Variants in ZNF146 observed in about 807,000 individuals in gnomAD.
The protein encoded by ZNF146 is zinc finger protein OZF.
A neutral mutation model predicts 22.2 loss-of-function variants in ZNF146; 9 were observed. The ratio of observed to expected loss-of-function variants is 0.41; its 90% CI spans 0.24 to 0.71. ZNF146 has a LOEUF of 0.71. Ranked by LOEUF, ZNF146 falls within the 30% of genes least tolerant of loss-of-function variation. The pLI is 0.34. For synonymous variants in ZNF146, 108 were observed against 119.2 expected (o/e 0.91, Z 0.61); for missense variants, 194 against 344.8 (o/e 0.56, Z 3.46).
At chr19:36,233,902 A>G (rs1977516132) in intron 3 of ZNF146, among the ~76,000 whole-genome samples, 2 of 148,952 alleles carry the variant, frequency 1.3e-5, no homozygotes, top group South Asian at 4.2e-4. Context: ...CCTCCTCAGC[A>G]CAGACCCTTT....
At position 36,237,501 on chromosome 19, in the gene ZNF146, C is replaced by G. The variant is rs930107797; in HGVS notation, c.*182C>G. 8.9e-5 allele frequency: 57 copies of G among 639,028 alleles called. No individual in the cohort carries two copies. In the Admixed American group the frequency reaches 1.9e-3, roughly 21 times the overall value. 39.6% of individuals were successfully genotyped at this position (639,028 alleles called of 1,614,324 possible). A position where few individuals can be genotyped will look rare whatever the true frequency, so the allele number is the denominator to read the frequency against. On this transcript the variant is annotated 3_prime_UTR_variant, in exon 4 of 4. Transcript: ENST00000443387. ...AGAAAGACATGCATATGATTAAAAC[C>G]CTGTGTCCAACAGAGAAACCTGCAG...
chr19:36,233,676 C>T lies in ZNF146; in HGVS notation c.-782-1983C>T, dbSNP rs567141615. 4.0e-3 allele frequency among the ~76,000 whole-genome samples: 603 copies of T among 152,310 alleles called. 1 individual carries two copies. Among genetic ancestry groups the T allele is most frequent in the Non-Finnish European group, 7.1e-3 (484 of 68,030 alleles). On this transcript the variant is annotated intron_variant, in intron 3 of 3. Transcript: ENST00000443387. Reference sequence around the variant, plus strand: ...ACAAGGTAAAGAAAAAAGTGCTGTGCTTTTGATGTGCATATACATAAACAT... The same window carrying T: ...ACAAGGTAAAGAAAAAAGTGCTGTGTTTTTGATGTGCATATACATAAACAT...
intron 3 of ZNF146, among the ~76,000 whole-genome samples, chr19:36,229,864 C>T (rs149778339): frequency 1.3e-4 from 20 of 152,266 alleles, no homozygotes; most frequent in African/African-American, 4.6e-4. Flanking sequence ...GGATTACAGG[C>T]ATGTGCCATC....
intron 3 of ZNF146, among the ~76,000 whole-genome samples, chr19:36,234,032 C>G (rs1212856002): frequency 2.0e-5 from 3 of 151,808 alleles, no homozygotes; most frequent in Non-Finnish European, 4.4e-5. Context: ...GTCCCTGCGG[C>G]CTTCTGTAGT....
chr19:36,231,897 A>G (rs1175951758), intron 3 of ZNF146, among the ~76,000 whole-genome samples: 3 of 142,818 alleles, frequency 2.1e-5, no homozygotes, highest in Admixed American at 7.0e-5. Flanking sequence ...GAGACCCCGT[A>G]TCTTTTTTAT....
At chr19:36,216,856 T>C (rs1204431521) in intron 1 of ZNF146, among the ~76,000 whole-genome samples, 1 of 58,140 alleles carries the variant, frequency 1.7e-5, no homozygotes, top group Admixed American at 1.5e-4. Context: ...GCTTGGTGGC[T>C]CACACCTGTG....
chr19:36,223,371 T>C (rs1222973885), intron 2 of ZNF146, among the ~76,000 whole-genome samples: 1 of 152,102 alleles, frequency 6.6e-6, no homozygotes, highest in Non-Finnish European at 1.5e-5. Context: ...AGTTACATTT[T>C]TTTCTTTTTG....
intron 2 of ZNF146, among the ~76,000 whole-genome samples, chr19:36,225,517 T>TC (rs1019442800): frequency 4.6e-5 from 7 of 152,070 alleles, no homozygotes; most frequent in Admixed American, 3.3e-4. Context: ...CTTTTTTTTT[T>TC]CTGGCTCACT....
chr19:36,221,859 TG>T (rs1426805065), intron 2 of ZNF146, among the ~76,000 whole-genome samples: 1 of 151,844 alleles, frequency 6.6e-6, no homozygotes, highest in Non-Finnish European at 1.5e-5. Context: ...GCATACCACA[TG>T]CACCTCCCTA....
At chr19:36,234,361 CA>C (rs374641166) in intron 3 of ZNF146, among the ~76,000 whole-genome samples, 1 of 150,310 alleles carries the variant, frequency 6.7e-6, no homozygotes, top group South Asian at 2.1e-4. Flanking sequence ...AAGACTGTCT[CA>C]AAAAAAAAGG....
In ZNF146 at chr19:36,237,391, AT is replaced by A. The variant is rs1977683384; in HGVS notation, c.*73del. ...TGCACCTCATCATGCCCCAGAAATA[AT>A]CCTTCTGAAGCAAAGCACCACGAAT... On this transcript the variant is annotated 3_prime_UTR_variant, in exon 4 of 4. Transcript: ENST00000443387. 8 of 1,500,496 alleles carry A rather than the reference AT, an allele frequency of 5.3e-6. No homozygotes were observed. Among genetic ancestry groups the A allele is most frequent in the Non-Finnish European group, 6.2e-6 (7 of 1,122,766 alleles). 92.9% of individuals were successfully genotyped at this position (1,500,496 alleles called of 1,614,324 possible).
intron 3 of ZNF146, among the ~76,000 whole-genome samples, chr19:36,235,141 G>T (rs1431400912): frequency 6.6e-6 from 1 of 151,282 alleles, no homozygotes; most frequent in Admixed American, 6.6e-5. Flanking sequence ...CCCAGGAGGC[G>T]GAGGCTGCAG....
intron 2 of ZNF146, among the ~76,000 whole-genome samples, chr19:36,218,840 G>A (rs1437224210): frequency 7.4e-6 from 1 of 134,854 alleles, no homozygotes; most frequent in Non-Finnish European, 1.6e-5. Flanking sequence ...ACAGAGTCTC[G>A]GTTTGTCGCC....
rs1171366410 is a variant in ZNF146, at chr19:36,236,544, A to T, written c.104A>T (p.Glu35Val). ...CACAAATCAAACCTCACTGAGCATG[A>T]GCATTTTCACACGAGAGAGAAACCT... Reference protein sequence around the residue: ...FSHKSNLTEHEHFHTREKPFE... With the variant: ...FSHKSNLTEHVHFHTREKPFE... The change falls in exon 4 of 4, where the codon GAG becomes GTG. Residue 35 changes from glutamate to valine, a missense_variant. Transcript: ENST00000443387. 6 of 1,614,226 alleles carry T rather than the reference A, an allele frequency of 3.7e-6. No homozygotes were observed. The highest frequency in any genetic ancestry group is 5.1e-6 in the Non-Finnish European group (6 of 1,180,036).
At position 36,223,508 on chromosome 19, in the gene ZNF146, G is replaced by A. The variant is rs144577512; in HGVS notation, c.-854-5240G>A. On this transcript the variant is annotated intron_variant, in intron 2 of 3. Transcript: ENST00000443387. ...CTCCCAAGTAGCTGGGACTACAGGCGCATGCCACCACGCCTGGTTAATTTT... is the reference window on the plus strand; with the variant it reads ...CTCCCAAGTAGCTGGGACTACAGGCACATGCCACCACGCCTGGTTAATTTT... 1.4e-3 allele frequency among the ~76,000 whole-genome samples: 213 copies of A among 151,968 alleles called. 1 individual carries two copies. The highest frequency in any genetic ancestry group is 4.6e-3 in the African/African-American group (190 of 41,506).
intron 2 of ZNF146, 77 bp downstream of exon 2, chr19:36,218,272 G>A (rs926808248): frequency 1.3e-5 from 2 of 151,880 alleles, no homozygotes; most frequent in African/African-American, 4.8e-5. Flanking sequence ...TCAAAGGGTG[G>A]TTGTGTAGCT....
intron 2 of ZNF146, among the ~76,000 whole-genome samples, chr19:36,225,191 G>A (rs939947225): frequency 6.6e-6 from 1 of 152,174 alleles, no homozygotes; most frequent in African/African-American, 2.4e-5. Flanking sequence ...GTCAGTGGGA[G>A]TGTGAGCAGA....
chr19:36,228,116 C>G (rs1977155261), intron 2 of ZNF146, among the ~76,000 whole-genome samples: 1 of 141,090 alleles, frequency 7.1e-6, no homozygotes, highest in South Asian at 2.2e-4. Context: ...GCTGAGATTG[C>G]ACAATTGCAC....
chr19:36,226,534 T>G (rs113996036), intron 2 of ZNF146, among the ~76,000 whole-genome samples: 2,221 of 152,334 alleles, frequency 0.015, 49 homozygotes, highest in African/African-American at 0.05. Context: ...ACATTTTGGT[T>G]GTTTTATTTT....
Sources: gnomAD v4.1 joint callset for allele counts (sites outside exome capture counted in the v4.1 genomes callset) on GRCh38, gnomAD v4.1.1 for gene constraint, MANE v1.5 for transcripts, NCBI Gene and HGNC (gene_info 2026-07-23, HGNC 2026-07-21) for gene names.